Variants in CCDC22 observed in about 807,000 individuals in gnomAD.
The protein encoded by CCDC22 is CCC complex scaffolding subunit CCDC22, also known as coiled-coil domain-containing protein 22.
Under a neutral mutation model 53.1 loss-of-function variants are expected in CCDC22, and 4 were observed. The observed-to-expected ratio is 0.08, with a 90% CI of 0.04 to 0.17. CCDC22 has a LOEUF of 0.17. CCDC22 is among the 10% of genes least tolerant of loss of function. The pLI, the probability that CCDC22 is intolerant of heterozygous loss-of-function variation, is 1.00. For missense variants in CCDC22, 458 were observed against 554.0 expected (o/e 0.83, Z 1.74); for synonymous variants, 222 against 224.4 (o/e 0.99, Z 0.10).
intron 9 of CCDC22, 113 bp downstream of exon 9, chrX:49,247,881 G>C (rs1557114551): frequency 1.5e-5 from 15 of 968,095 alleles, no homozygotes; most frequent in South Asian, 4.6e-5. Context: ...ATGGCAGAAG[G>C]GTTCCTGGGA....
rs782285655 is a variant in CCDC22 at position 49,246,799 on chromosome X, C to T, written c.783C>T (p.Gly261=). 9 of 1,192,833 alleles carry T rather than the reference C, an allele frequency of 7.5e-6. No homozygotes were observed. The South Asian group carries it at 9.2e-5, about 12-fold the overall frequency. The change falls in exon 7 of 17, where the codon GGC becomes GGT. Residue 261 remains glycine, a synonymous_variant. Coordinates refer to ENST00000376227, the MANE Select transcript of CCDC22 (RefSeq NM_014008.5). The stretch of plus-strand genomic sequence containing the variant: ...CTGAGCATCTGCGCCAAAGCTGGGG[C>T]CTGCTTGGGGCCCCCATACAAGCCC... The part of the protein sequence containing the change: ...QLTEHLRQSW[G]LLGAPIQARD...
intron 2 of CCDC22, 71 bp from the exon 3 acceptor site, chrX:49,241,945 C>T: frequency 3.5e-6 from 4 of 1,155,265 alleles, no homozygotes; most frequent in Non-Finnish European, 3.5e-6. Context: ...GGAGCGTTTT[C>T]AGCCTAGGCC....
At chrX:49,240,142 A>G (rs1484042794) in intron 2 of CCDC22, among the ~76,000 whole-genome samples, 1 of 105,571 alleles carries the variant, frequency 9.5e-6, no homozygotes, top group Non-Finnish European at 1.9e-5. Flanking sequence ...GGTCCCAGCT[A>G]TGTGGGAGGC....
chrX:49,245,979 T>G (rs988993490), intron 6 of CCDC22, among the ~76,000 whole-genome samples: 70 of 85,457 alleles, frequency 8.2e-4, no homozygotes, highest in Admixed American at 2.6e-3. Flanking sequence ...TTTGTTTTTT[T>G]TTTGTTTTTT....
intron 6 of CCDC22, 28 bp downstream of exon 6, chrX:49,243,490 G>A: frequency 9.1e-7 from 1 of 1,101,892 alleles, no homozygotes; most frequent in Non-Finnish European, 1.2e-6. Flanking sequence ...GCTCCCTGCT[G>A]TCTGGGCTGC....
At position 49,248,543 on chromosome X, in the gene CCDC22, G is replaced by C; in HGVS notation, c.1329+20G>C. 2 of 1,196,051 alleles carry C rather than the reference G, an allele frequency of 1.7e-6. No individual in the cohort carries two copies. Among genetic ancestry groups the C allele is most frequent in the South Asian group, 3.6e-5 (2 of 56,246 alleles). ...AGAGAGGTAAGCAGTGGGGCCCTGG[G>C]CTGTGGGCGGGCCAGGGCAGGCTCG... On this transcript the variant is annotated intron_variant, in intron 11 of 16. Coordinates refer to ENST00000376227, the MANE Select transcript of CCDC22 (RefSeq NM_014008.5).
At chrX:49,245,216 TG>T (rs1404684951) in intron 6 of CCDC22, among the ~76,000 whole-genome samples, 1 of 110,125 alleles carries the variant, frequency 9.1e-6, no homozygotes, top group Non-Finnish European at 1.9e-5. Flanking sequence ...CCCTTCTGTC[TG>T]CCTCTTTATC....
At chrX:49,236,152 C>G (rs781873987) in intron 1 of CCDC22, among the ~76,000 whole-genome samples, 2 of 108,741 alleles carry the variant, frequency 1.8e-5, no homozygotes, top group African/African-American at 6.7e-5. Flanking sequence ...TACTTGGGAT[C>G]CTTCAAACTC....
At chrX:49,249,011 C>T in intron 13 of CCDC22, 87 bp downstream of exon 13, 5 of 1,150,916 alleles carry the variant, frequency 4.3e-6, no homozygotes, top group Middle Eastern at 2.4e-4. Flanking sequence ...TCAGGCAGAG[C>T]TGTCCAGTCA....
rs868962102 is a variant in CCDC22 at position 49,248,706 on chromosome X, G to A, written c.1403G>A (p.Arg468His). The change falls in exon 12 of 17, where the codon CGC becomes CAC. Residue 468 changes from arginine to histidine, a missense_variant. Around this residue, in one of 4 missense-constraint regions of CCDC22, gnomAD observed 309 missense variants for 312.3 expected, o/e 0.99. Transcript: ENST00000376227. ...GTCCGGGCGGCTGCTGAAGAGGCCC[G>A]CAGGAAGGAGGAGGTCTATAAGCAG... ...QSVRAAAEEA[R>H]RKEEVYKQLM... 6 of 1,208,455 alleles carry A rather than the reference G, an allele frequency of 5.0e-6. No individual in the cohort carries two copies. The highest frequency in any genetic ancestry group is 2.3e-4 in the Middle Eastern group (1 of 4,370).
rs113045747 is a variant in CCDC22 at position 49,248,261 on chromosome X, G to A, written c.1163G>A (p.Arg388His). The A allele has an allele frequency of 9.2e-4, 1,104 of 1,202,660 alleles. 5 individuals are homozygous for A. The African/African-American group carries it at 0.012, about 13-fold the overall frequency. Residue 388 changes from arginine to histidine, a missense_variant, in exon 10 of 17, where the codon CGC (arginine) becomes CAC (histidine). Arg to His is a conservative substitution (Grantham distance 29, BLOSUM62 0). Coordinates refer to ENST00000376227, the MANE Select transcript of CCDC22 (RefSeq NM_014008.5). ...EREQALRLKS[R>H]AVELLPDGTA... Reference sequence around the variant, plus strand: ...GAGCAGGCCCTGCGCCTGAAGAGCCGCGCGGTGGAGCTGCTGCCCGATGGG... The same window carrying A: ...GAGCAGGCCCTGCGCCTGAAGAGCCACGCGGTGGAGCTGCTGCCCGATGGG...
intron 2 of CCDC22, among the ~76,000 whole-genome samples, chrX:49,241,287 A>G (rs1308485058): frequency 9.0e-6 from 1 of 110,545 alleles, no homozygotes; most frequent in Non-Finnish European, 1.9e-5. Flanking sequence ...CAGGAGTTTG[A>G]GACCAGCCTG....
chrX:49,240,956 A>G (rs1322966235), intron 2 of CCDC22, among the ~76,000 whole-genome samples: 1 of 112,289 alleles, frequency 8.9e-6, no homozygotes, highest in African/African-American at 3.2e-5. Context: ...TTCTAAGTGT[A>G]CTCTGTGCCA....
intron 9 of CCDC22, 100 bp from the exon 10 acceptor site, chrX:49,248,091 C>T (rs1255028903): frequency 1.9e-5 from 23 of 1,180,830 alleles, no homozygotes; most frequent in Admixed American, 8.9e-5. Context: ...TTGGCACCAG[C>T]GTGGAGCTGT....
At chrX:49,241,408 G>T (rs1480767528) in intron 2 of CCDC22, among the ~76,000 whole-genome samples, 1 of 106,343 alleles carries the variant, frequency 9.4e-6, no homozygotes, top group Non-Finnish European at 1.9e-5. Flanking sequence ...GATCACTTGA[G>T]CCCAGGAGGC....
rs1557112508 is a variant in CCDC22, at chrX:49,235,617, G to T, written c.-20G>T. The T allele has an allele frequency of 1.7e-6, 2 of 1,171,118 alleles. No individual in the cohort carries two copies. The highest frequency in any genetic ancestry group is 3.2e-5 in the East Asian group (1 of 31,179). On this transcript the variant is annotated 5_prime_UTR_variant, in exon 1 of 17. Coordinates refer to ENST00000376227, the MANE Select transcript of CCDC22 (RefSeq NM_014008.5). ...GGACCCGGTCCTGGACCCAGCCCCC[G>T]ACTCCGACACGGCTCCACCATGGAG...
intron 6 of CCDC22, among the ~76,000 whole-genome samples, chrX:49,245,735 A>G (rs1445341907): frequency 3.6e-5 from 4 of 112,201 alleles, no homozygotes; most frequent in Non-Finnish European, 5.6e-5. Flanking sequence ...TATTCTAGTG[A>G]ATCCTATGTA....
chrX:49,249,824 T>C, intron 16 of CCDC22, 99 bp downstream of exon 16: 1 of 748,037 alleles, frequency 1.3e-6, no homozygotes, highest in Non-Finnish European at 2.0e-6. Context: ...AGCCGATGGC[T>C]GGACACCCAG....
At chrX:49,243,207 G>A in intron 5 of CCDC22, 23 bp downstream of exon 5, 1 of 1,206,321 alleles carries the variant, frequency 8.3e-7, no homozygotes, top group Non-Finnish European at 1.1e-6. Context: ...CTGTGGGGAG[G>A]GGTGAGGAGG....
Sources: gnomAD v4.1 joint callset for allele counts (sites outside exome capture counted in the v4.1 genomes callset) on GRCh38, gnomAD v4.1.1 for gene constraint, gnomAD v4.1.1 regional missense constraint, MANE v1.5 for transcripts, NCBI Gene and HGNC (gene_info 2026-07-23, HGNC 2026-07-21) for gene names.